The following ACOT7 variants were observed in gnomAD, a reference collection of about 807,000 sequenced individuals.
ACOT7 encodes the protein cytosolic acyl coenzyme A thioester hydrolase.
Under a neutral mutation model 40.2 loss-of-function variants are expected in ACOT7, and 12 were observed. The observed-to-expected ratio is 0.30, with a 90% CI of 0.19 to 0.48. ACOT7 has a LOEUF of 0.48. Ranked by LOEUF, ACOT7 falls within the 20% of genes least tolerant of loss-of-function variation. ACOT7 has a pLI of 0.99. For synonymous variants in ACOT7, 228 were observed against 219.5 expected (o/e 1.04, Z -0.34); for missense variants, 395 against 530.8 (o/e 0.74, Z 2.51).
At chr1:6,372,062 A>G (rs1557671708) in intron 1 of ACOT7, among the ~76,000 whole-genome samples, 1 of 151,938 alleles carries the variant, frequency 6.6e-6, no homozygotes, top group Non-Finnish European at 1.5e-5. Flanking sequence ...AAAAAAAGAA[A>G]AAACCTATTG....
At chr1:6,305,418 AC>A (rs1468342387) in intron 6 of ACOT7, among the ~76,000 whole-genome samples, 1 of 141,106 alleles carries the variant, frequency 7.1e-6, no homozygotes, top group Non-Finnish European at 1.5e-5. Flanking sequence ...GCTGACCCCC[AC>A]CTCCCTCCCG....
chr1:6,377,248 T>A (rs1004840348), intron 1 of ACOT7, among the ~76,000 whole-genome samples: 3 of 151,964 alleles, frequency 2.0e-5, no homozygotes, highest in Admixed American at 1.3e-4. Context: ...AAAAAATACA[T>A]GTAAAGGCCA....
rs1641018895 is a variant in ACOT7 at position 6,333,571 on chromosome 1, T to C, written c.419-3A>G. The C allele has an allele frequency of 3.7e-6, 6 of 1,614,128 alleles. No individual in the cohort carries two copies. The highest frequency in any genetic ancestry group is 4.2e-6 in the Non-Finnish European group (5 of 1,179,946). Reference sequence around the variant, plus strand: ...CTTATTGGTCAGCTTTTTGGCACCTTAAGAGAAGAAAATCACATTAAGTGA... The same window carrying C: ...CTTATTGGTCAGCTTTTTGGCACCTCAAGAGAAGAAAATCACATTAAGTGA... On this transcript the variant is annotated splice_polypyrimidine_tract_variant and splice_region_variant and intron_variant, in intron 3 of 8. Transcript: ENST00000361521.
intron 6 of ACOT7, among the ~76,000 whole-genome samples, chr1:6,307,125 C>T (rs995685494): frequency 6.6e-6 from 1 of 152,218 alleles, no homozygotes; most frequent in Non-Finnish European, 1.5e-5. Context: ...GGTTTGACTC[C>T]CAACCAGCCA....
chr1:6,349,489 G>T (rs567753134), intron 2 of ACOT7, among the ~76,000 whole-genome samples: 2 of 152,370 alleles, frequency 1.3e-5, no homozygotes, highest in Admixed American at 6.5e-5. Context: ...TCGGCATGGC[G>T]GGGAGTGGTG....
At chr1:6,331,590 T>C (rs1350481218) in intron 4 of ACOT7, among the ~76,000 whole-genome samples, 3 of 152,114 alleles carry the variant, frequency 2.0e-5, no homozygotes, top group South Asian at 4.1e-4. Flanking sequence ...CACTGTCAGG[T>C]GGGAATATGA....
At chr1:6,297,634 A>G (rs1639846031) in intron 6 of ACOT7, among the ~76,000 whole-genome samples, 1 of 151,938 alleles carries the variant, frequency 6.6e-6, no homozygotes, top group African/African-American at 2.4e-5. Context: ...CCAACTAGAG[A>G]AAAAGATGAG....
chr1:6,264,323 C>T lies in ACOT7; in HGVS notation c.*274G>A. 4.3e-6 allele frequency: 2 copies of T among 461,206 alleles called. No homozygotes were observed. The highest frequency in any genetic ancestry group is 2.0e-5 in the African/African-American group (1 of 49,490). 28.6% of individuals were successfully genotyped at this position (461,206 alleles called of 1,614,324 possible). On this transcript the variant is annotated 3_prime_UTR_variant, in exon 9 of 9. Transcript: ENST00000361521. ...GGTGCTGGGTTCTTCCCATACCCTA[C>T]AGCGTGCTCGGAAGCATTCCCGAGG... is the stretch of plus-strand genomic sequence containing the variant.
chr1:6,297,653 G>A (rs999301198), intron 6 of ACOT7, among the ~76,000 whole-genome samples: 7 of 152,348 alleles, frequency 4.6e-5, no homozygotes, highest in Non-Finnish European at 2.9e-5. Flanking sequence ...AGCACCTGGC[G>A]AGATGTGAAC....
chr1:6,341,527 G>A (rs1052128278), intron 2 of ACOT7, among the ~76,000 whole-genome samples: 25 of 152,262 alleles, frequency 1.6e-4, no homozygotes, highest in Non-Finnish European at 2.6e-4. Flanking sequence ...TGGATCACAC[G>A]GTCAGGAGAT....
At chr1:6,271,284 G>A (rs2148366149) in intron 8 of ACOT7, among the ~76,000 whole-genome samples, 1 of 152,168 alleles carries the variant, frequency 6.6e-6, no homozygotes, top group East Asian at 1.9e-4. Flanking sequence ...TGTCCTTTTT[G>A]TAATTAATGA....
chr1:6,357,225 G>A (rs1420096623), intron 1 of ACOT7, among the ~76,000 whole-genome samples: 2 of 151,390 alleles, frequency 1.3e-5, no homozygotes, highest in South Asian at 2.1e-4. Context: ...CAACAAGAGC[G>A]AAACTCCGCC....
rs903296044 is a variant in ACOT7, at chr1:6,264,535, G to A, written c.*62C>T. ...TTTTGGCCAAGGGGGGAACTTCTAA[G>A]TGACTGGACACTGGGCCCGTTGCCA... On this transcript the variant is annotated 3_prime_UTR_variant, in exon 9 of 9. Coordinates refer to ENST00000361521, the MANE Select transcript of ACOT7 (RefSeq NM_007274.4). 15 of 1,513,728 alleles carry A rather than the reference G, an allele frequency of 9.9e-6. No homozygotes were observed. Among genetic ancestry groups the A allele is most frequent in the Non-Finnish European group, 1.3e-5 (15 of 1,116,776 alleles). 93.8% of individuals were successfully genotyped at this position (1,513,728 alleles called of 1,614,324 possible).
chr1:6,269,568 G>A (rs1440061632), intron 8 of ACOT7, among the ~76,000 whole-genome samples: 1 of 152,286 alleles, frequency 6.6e-6, no homozygotes, highest in Non-Finnish European at 1.5e-5. Flanking sequence ...GAGCCCAGGT[G>A]CAGGTCATTC....
intron 4 of ACOT7, among the ~76,000 whole-genome samples, chr1:6,327,936 G>A (rs1640851919): frequency 3.9e-5 from 6 of 152,020 alleles, no homozygotes; most frequent in Admixed American, 3.3e-4. Context: ...ACCATGCCCG[G>A]CTAATTTTTG....
chr1:6,313,448 C>G (rs548810863), intron 6 of ACOT7, among the ~76,000 whole-genome samples: 9 of 152,196 alleles, frequency 5.9e-5, no homozygotes, highest in African/African-American at 9.7e-5. Flanking sequence ...TTCCCCACAC[C>G]CTGCTCAGCC....
At chr1:6,388,870 C>T (rs1642485457) in intron 1 of ACOT7, among the ~76,000 whole-genome samples, 1 of 151,370 alleles carries the variant, frequency 6.6e-6, no homozygotes, top group Non-Finnish European at 1.5e-5. Context: ...AACCCCATCT[C>T]TAATAAAAAT....
At chr1:6,300,656 A>G (rs1216354634) in intron 6 of ACOT7, among the ~76,000 whole-genome samples, 1 of 141,490 alleles carries the variant, frequency 7.1e-6, no homozygotes, top group Non-Finnish European at 1.5e-5. Context: ...ACAAACACAG[A>G]ATCTCACCGG....
rs972169915 is a variant in ACOT7, at chr1:6,288,523, G to A, written c.829+6341C>T. ...GCTCAAGCTGAATGTGGCATGTCAC[G>A]GGGAGCCACGGAGGCTGTGAGCAGA... On this transcript the variant is annotated intron_variant, in intron 7 of 8. Transcript: ENST00000361521. The surrounding 1 kb of genome is among the most constrained non-coding windows in gnomAD (Gnocchi z 4.3). Among the ~76,000 whole-genome samples the A allele has an allele frequency of 2.0e-5, 3 of 152,316 alleles. No homozygotes were observed. The highest frequency in any genetic ancestry group is 2.9e-5 in the Non-Finnish European group (2 of 68,030).
Sources: gnomAD v4.1 joint callset for allele counts (sites outside exome capture counted in the v4.1 genomes callset) on GRCh38, gnomAD v4.1.1 for gene constraint, Gnocchi (gnomAD v3.1) non-coding constraint, MANE v1.5 for transcripts, NCBI Gene and HGNC (gene_info 2026-07-23, HGNC 2026-07-21) for gene names.